Variants in SYS1 observed in about 807,000 individuals in gnomAD.
SYS1 encodes SYS1 golgi trafficking protein.
A neutral mutation model predicts 17.8 loss-of-function variants in SYS1; 8 were observed. That is an observed-to-expected ratio of 0.45 (90% CI 0.26 to 0.81). SYS1 has a LOEUF of 0.81. Among genes scored for constraint, SYS1 ranks in the 40% least tolerant of loss-of-function variants. The pLI is 0.16. For synonymous variants in SYS1, 95 were observed against 90.9 expected (o/e 1.05, Z -0.26); for missense variants, 161 against 203.9 (o/e 0.79, Z 1.28).
downstream of SYS1, chr20:45,374,186 T>C: frequency 1.5e-6 from 1 of 673,372 alleles, no homozygotes; most frequent in Non-Finnish European, 2.7e-6. Context: ...CCCCCTTCCT[T>C]TCGTGGGACT....
chr20:45,367,950 T>A lies in SYS1; in HGVS notation c.*835T>A, dbSNP rs1988472036. On this transcript the variant is annotated 3_prime_UTR_variant, in exon 4 of 4. Transcript: ENST00000243918. ...TTAGAATTCTTTGGCGGGAAGGGTA[T>A]GATGGGTTCCCAGAGACAAGAAGCC... The A allele has an allele frequency of 1.6e-5, 16 of 985,408 alleles. No individual in the cohort carries two copies. The highest frequency in any genetic ancestry group is 1.8e-5 in the Non-Finnish European group (15 of 829,946). 61.0% of individuals were successfully genotyped at this position (985,408 alleles called of 1,614,324 possible).
At chr20:45,373,855 A>C, downstream of SYS1, 1 of 1,559,150 alleles carries the variant, frequency 6.4e-7, no homozygotes, top group South Asian at 1.1e-5. Context: ...TCCCAGCCCC[A>C]GACAAACAGG....
chr20:45,367,198 C>T lies in SYS1; in HGVS notation c.*83C>T. On this transcript the variant is annotated 3_prime_UTR_variant, in exon 4 of 4. Transcript: ENST00000243918. The stretch of plus-strand genomic sequence containing the variant: ...CAGACCCTCCAGATGAGGTCCAGCC[C>T]AGATCTGAGAGGAACCCTGGAAATG... The T allele has an allele frequency of 6.4e-7, 1 of 1,561,188 alleles. No homozygotes were observed. The highest frequency in any genetic ancestry group is 8.7e-7 in the Non-Finnish European group (1 of 1,152,402).
Position 45,368,654 on chromosome 20 carries a change from C to G in SYS1, c.*1539C>G. On this transcript the variant is annotated 3_prime_UTR_variant, in exon 4 of 4. Transcript: ENST00000243918. The stretch of plus-strand genomic sequence containing the variant: ...CTGGGAAGGTTCTAGGGTGAGGCAC[C>G]TCAGTAACTCATGGTACCTTGGCCA... 2.0e-6 allele frequency: 2 copies of G among 985,412 alleles called. No individual in the cohort carries two copies. The highest frequency in any genetic ancestry group is 2.4e-6 in the Non-Finnish European group (2 of 829,946). The allele number at this position is 985,412 out of a possible 1,614,324, so 61.0% of individuals were successfully genotyped here.
Position 45,363,530 on chromosome 20 carries a change from G to T in SYS1, c.-2G>T. ...GAGGCCCGGCTCGTGTCCCTGCAGGGCATGGCGGGTCAGTTCCGCAGCTAC... is the reference window on the plus strand; with the variant it reads ...GAGGCCCGGCTCGTGTCCCTGCAGGTCATGGCGGGTCAGTTCCGCAGCTAC... On this transcript the variant is annotated splice_region_variant and 5_prime_UTR_variant, in exon 2 of 4. Transcript: ENST00000243918. The T allele has an allele frequency of 6.5e-7, 1 of 1,539,312 alleles. No individual in the cohort carries two copies. Among genetic ancestry groups the T allele is most frequent in the African/African-American group, 1.4e-5 (1 of 73,460 alleles).
Position 45,368,257 on chromosome 20 carries a change from T to G in SYS1, c.*1142T>G. 3.0e-6 allele frequency: 3 copies of G among 985,462 alleles called. No individual in the cohort carries two copies. Among genetic ancestry groups the G allele is most frequent in the Non-Finnish European group, 3.6e-6 (3 of 829,944 alleles). 61.0% of individuals were successfully genotyped at this position (985,462 alleles called of 1,614,324 possible). ...TCATTCCTCCATTTGGTTAAAATACTCAGTGCAGGGAACTCTTACATCCTG... is the reference window on the plus strand; with the variant it reads ...TCATTCCTCCATTTGGTTAAAATACGCAGTGCAGGGAACTCTTACATCCTG... On this transcript the variant is annotated 3_prime_UTR_variant, in exon 4 of 4. Coordinates refer to ENST00000243918, the MANE Select transcript of SYS1 (RefSeq NM_033542.4).
chr20:45,374,171 A>G, downstream of SYS1: 1 of 684,572 alleles, frequency 1.5e-6, no homozygotes, highest in Non-Finnish European at 2.6e-6. Flanking sequence ...CCCGGTGGGC[A>G]CTCACCCCCT....
chr20:45,372,567 GGAA>G (rs1186643874), downstream of SYS1: 14 of 152,414 alleles, frequency 9.2e-5, no homozygotes, highest in African/African-American at 3.4e-4. Flanking sequence ...TTGATGGAAT[GGAA>G]GAGTGAGTAG....
chr20:45,368,975 G>C lies in SYS1; in HGVS notation c.*1860G>C, dbSNP rs1988501629. On this transcript the variant is annotated 3_prime_UTR_variant, in exon 4 of 4. Transcript: ENST00000243918. Reference sequence around the variant, plus strand: ...GATGACAAATCTCTGTCCCCTGAGTGTTAATTTGATTTTTAGAAATGGCCA... The same window carrying C: ...GATGACAAATCTCTGTCCCCTGAGTCTTAATTTGATTTTTAGAAATGGCCA... The C allele has an allele frequency of 8.6e-6, 7 of 809,744 alleles. No individual in the cohort carries two copies. The highest frequency in any genetic ancestry group is 1.0e-5 in the Non-Finnish European group (7 of 669,216). The allele number at this position is 809,744 out of a possible 1,614,324, so 50.2% of individuals were successfully genotyped here.
intron 1 of SYS1, 107 bp downstream of exon 1, chr20:45,363,422 T>C: frequency 6.9e-7 from 1 of 1,457,774 alleles, no homozygotes; most frequent in Non-Finnish European, 9.1e-7. Context: ...GCCTTCCCCC[T>C]GACTCTTGGA....
intron 2 of SYS1, among the ~76,000 whole-genome samples, chr20:45,364,106 C>T (rs6017554): frequency 0.57 from 87,387 of 152,020 alleles, 25,801 homozygotes; most frequent in Middle Eastern, 0.67. Context: ...CACTTACTAG[C>T]TGTGTGACCT....
rs140247642 is a variant in SYS1 at position 45,365,635 on chromosome 20, C to A, written c.179C>A (p.Thr60Asn). The change falls in exon 3 of 4, where the codon ACC becomes AAC. Residue 60 changes from threonine to asparagine, a missense_variant. Transcript: ENST00000243918. ...MFDAEILGFSTPPGRLSMMSF... is the reference protein window; with the variant it reads ...MFDAEILGFSNPPGRLSMMSF... The stretch of plus-strand genomic sequence containing the variant: ...CCCCCTCAGATCCTGGGCTTTTCCA[C>A]CCCTCCAGGCCGGCTCTCCATGATG... 2 of 1,614,154 alleles carry A rather than the reference C, an allele frequency of 1.2e-6. No individual in the cohort carries two copies. The highest frequency in any genetic ancestry group is 2.2e-5 in the South Asian group (2 of 91,082).
chr20:45,365,875 A>G (rs553090649), intron 3 of SYS1, 189 bp downstream of exon 3: 1 of 633,498 alleles, frequency 1.6e-6, no homozygotes, highest in Non-Finnish European at 2.8e-6. Flanking sequence ...TTACCTGGAA[A>G]GCTCTTATGT....
chr20:45,363,403 G>C, intron 1 of SYS1, 88 bp downstream of exon 1: 1 of 1,446,678 alleles, frequency 6.9e-7, no homozygotes, highest in Non-Finnish European at 9.1e-7. Flanking sequence ...GAATGGGTCT[G>C]TCTGCCCCGC....
downstream of SYS1, among the ~76,000 whole-genome samples, chr20:45,370,236 G>A (rs181149504): frequency 2.1e-4 from 32 of 152,298 alleles, no homozygotes; most frequent in African/African-American, 7.0e-4. Context: ...ATTGGCCAGA[G>A]ATTTTCAGAT....
upstream of SYS1, among the ~76,000 whole-genome samples, chr20:45,362,758 A>G (rs1351480894): frequency 1.3e-5 from 2 of 152,196 alleles, no homozygotes; most frequent in African/African-American, 4.8e-5. Flanking sequence ...AACTATCTGT[A>G]CAGCGGGAAC....
downstream of SYS1, chr20:45,373,159 G>T (rs1988607980): frequency 6.6e-6 from 1 of 152,524 alleles, no homozygotes; most frequent in South Asian, 2.1e-4. Flanking sequence ...GCATGGTTAG[G>T]ACCCTGTGAC....
chr20:45,363,802 C>A lies in SYS1; in HGVS notation c.162+109C>A, dbSNP rs543958802. ...GCTGGGTCACCTTCTTTCTTTGTAG[C>A]CCTGGGAAAGGGATTTCACCTTTCT... On this transcript the variant is annotated intron_variant, in intron 2 of 3. Transcript: ENST00000243918. The A allele has an allele frequency of 1.8e-4, 226 of 1,233,964 alleles. 1 individual carries two copies. Among genetic ancestry groups the A allele is most frequent in the African/African-American group, 1.5e-3 (97 of 66,398 alleles). 76.4% of individuals were successfully genotyped at this position (1,233,964 alleles called of 1,614,324 possible).
At chr20:45,369,968 A>C (rs1157819905), downstream of SYS1, among the ~76,000 whole-genome samples, 1 of 150,036 alleles carries the variant, frequency 6.7e-6, no homozygotes, top group Non-Finnish European at 1.5e-5. Context: ...TTCATTACCC[A>C]GGCTGGAATG....
Sources: allele counts gnomAD v4.1 joint callset (sites outside exome capture counted in the v4.1 genomes callset), GRCh38; gene constraint gnomAD v4.1.1; transcripts MANE v1.5; gene names NCBI Gene and HGNC (gene_info 2026-07-23, HGNC 2026-07-21).